PID1: variants seen among roughly 807,000 people sequenced by gnomAD.
The protein encoded by PID1 is PTB-containing, cubilin and LRP1-interacting protein.
PID1 carries 10 observed loss-of-function variants against 19.1 expected under a neutral mutation model. That is an observed-to-expected ratio of 0.52 (90% CI 0.32 to 0.89). The LOEUF is 0.89. Ranked by LOEUF, PID1 falls within the 40% of genes least tolerant of loss-of-function variation. The pLI is 0.03. For synonymous variants in PID1, 130 were observed against 116.0 expected (o/e 1.12, Z -0.78); for missense variants, 248 against 285.3 (o/e 0.87, Z 0.94).
intron 2 of PID1, among the ~76,000 whole-genome samples, chr2:229,145,278 C>G (rs1690106768): frequency 1.3e-5 from 2 of 149,628 alleles, no homozygotes; most frequent in Admixed American, 1.3e-4. Context: ...TTATTATAAT[C>G]TTTGGAGAGT....
rs974889078 is a variant in PID1 at position 229,159,299 on chromosome 2, T to C, written c.31-3335A>G. Among the ~76,000 whole-genome samples, 7 of 152,220 alleles carry C rather than the reference T, an allele frequency of 4.6e-5. No homozygotes were observed. The South Asian group carries it at 6.2e-4, about 14-fold the overall frequency. On this transcript the variant is annotated intron_variant, in intron 1 of 2. Coordinates refer to ENST00000392055, the MANE Select transcript of PID1 (RefSeq NM_001100818.2). ...CCTCTCTGGTGGTCCATTTAAAGCA[T>C]TGACTTGGCTAGGCTACCATGCCCA...
chr2:229,155,674 A>T, intron 2 of PID1, 144 bp downstream of exon 2: 1 of 712,398 alleles, frequency 1.4e-6, no homozygotes, highest in Non-Finnish European at 2.3e-6. Flanking sequence ...AATTCAGTCT[A>T]CCATCACTCT....
At chr2:229,144,138 T>C (rs751977576) in intron 2 of PID1, among the ~76,000 whole-genome samples, 25 of 152,034 alleles carry the variant, frequency 1.6e-4, no homozygotes, top group Non-Finnish European at 3.7e-4. Context: ...GAGAGTAAAA[T>C]AAAGAAACTT....
chr2:229,095,566 G>C (rs1317218446), intron 2 of PID1, among the ~76,000 whole-genome samples: 1 of 152,080 alleles, frequency 6.6e-6, no homozygotes, highest in African/African-American at 2.4e-5. Flanking sequence ...AGAGATACTT[G>C]CATAAAATTA....
At chr2:229,183,118 A>G (rs902606341) in intron 1 of PID1, among the ~76,000 whole-genome samples, 2 of 152,240 alleles carry the variant, frequency 1.3e-5, no homozygotes, top group Middle Eastern at 3.2e-3. Context: ...CCCTAACCCA[A>G]TGACTTCTGT....
intron 1 of PID1, among the ~76,000 whole-genome samples, chr2:229,240,239 T>C (rs1055710263): frequency 4.6e-5 from 7 of 152,142 alleles, no homozygotes; most frequent in Admixed American, 3.3e-4. Context: ...TCCCGAAGCT[T>C]AGTATTTCCA....
At chr2:229,035,931 T>C (rs1413427446) in intron 2 of PID1, among the ~76,000 whole-genome samples, 1 of 152,196 alleles carries the variant, frequency 6.6e-6, no homozygotes, top group Non-Finnish European at 1.5e-5. Flanking sequence ...TTTTAGATTA[T>C]AATGCATCAA....
At chr2:229,114,135 T>TTCTCTC (rs1446456698) in intron 2 of PID1, among the ~76,000 whole-genome samples, 1 of 93,700 alleles carries the variant, frequency 1.1e-5, no homozygotes, top group African/African-American at 4.3e-5. Context: ...CTCTCTCTCT[T>TTCTCTC]TCTCTCTCTC....
chr2:229,112,203 T>C (rs1695312832), intron 2 of PID1, among the ~76,000 whole-genome samples: 1 of 152,232 alleles, frequency 6.6e-6, no homozygotes, highest in Non-Finnish European at 1.5e-5. Context: ...TTTGTATTAT[T>C]ATTATTATTT....
chr2:229,081,968 T>C (rs145974024), intron 2 of PID1, among the ~76,000 whole-genome samples: 202 of 152,276 alleles, frequency 1.3e-3, no homozygotes, highest in African/African-American at 4.8e-3. Context: ...AGAAACTGTT[T>C]AGTCTCAGCA....
At chr2:229,177,106 G>C (rs1486636980) in intron 1 of PID1, among the ~76,000 whole-genome samples, 1 of 152,168 alleles carries the variant, frequency 6.6e-6, no homozygotes, top group African/African-American at 2.4e-5. Flanking sequence ...AAAGCCATCA[G>C]ATCTCATGAG....
At position 229,030,840 on chromosome 2, in the gene PID1, T is replaced by G. The variant is rs1022661228; in HGVS notation, c.178-4732A>C. Reference sequence around the variant, plus strand: ...GTATTTTGGAGGTGTACTGGAGAGATGAGTGGAGCACAGATGTGTAGCTTA... The same window carrying G: ...GTATTTTGGAGGTGTACTGGAGAGAGGAGTGGAGCACAGATGTGTAGCTTA... On this transcript the variant is annotated intron_variant, in intron 2 of 2. Coordinates refer to ENST00000392055, the MANE Select transcript of PID1 (RefSeq NM_001100818.2). Among the ~76,000 whole-genome samples, 5 of 152,136 alleles carry G rather than the reference T, an allele frequency of 3.3e-5. No homozygotes were observed. The East Asian group carries it at 9.6e-4, about 29-fold the overall frequency.
intron 1 of PID1, among the ~76,000 whole-genome samples, chr2:229,226,462 C>T (rs1453499059): frequency 6.6e-6 from 1 of 152,210 alleles, no homozygotes; most frequent in Admixed American, 6.5e-5. Flanking sequence ...GATGTCATAT[C>T]TCCTGACAAA....
intron 1 of PID1, among the ~76,000 whole-genome samples, chr2:229,252,411 C>T (rs1324635418): frequency 6.6e-6 from 1 of 152,186 alleles, no homozygotes; most frequent in East Asian, 1.9e-4. Context: ...TAAGTTTCAT[C>T]AACTGCTTGC....
intron 2 of PID1, among the ~76,000 whole-genome samples, chr2:229,111,453 T>A (rs1219709487): frequency 6.6e-6 from 1 of 152,206 alleles, no homozygotes; most frequent in African/African-American, 2.4e-5. Context: ...CATATAGTAA[T>A]ATTGTTCTGA....
At chr2:229,204,964 C>G (rs112380404) in intron 1 of PID1, among the ~76,000 whole-genome samples, 1 of 152,138 alleles carries the variant, frequency 6.6e-6, no homozygotes, top group Non-Finnish European at 1.5e-5. Context: ...TTGGTATTTA[C>G]GTTATTAAGA....
intron 1 of PID1, among the ~76,000 whole-genome samples, chr2:229,171,102 G>C (rs547704919): frequency 1.3e-5 from 2 of 152,130 alleles, no homozygotes; most frequent in Admixed American, 6.5e-5. Flanking sequence ...TGAATACCCC[G>C]CTCATCGGAA....
intron 2 of PID1, among the ~76,000 whole-genome samples, chr2:229,045,114 C>T (rs773924268): frequency 1.4e-4 from 22 of 152,002 alleles, no homozygotes; most frequent in African/African-American, 3.1e-4. Context: ...CCACCACACC[C>T]GGCTAATTTT....
intron 1 of PID1, among the ~76,000 whole-genome samples, chr2:229,208,536 A>C (rs1691658406): frequency 6.6e-6 from 1 of 152,232 alleles, no homozygotes. Context: ...ATTTTTATGC[A>C]GAGATCTAGG....
Sources: allele counts gnomAD v4.1 joint callset (sites outside exome capture counted in the v4.1 genomes callset), GRCh38; gene constraint gnomAD v4.1.1; transcripts MANE v1.5; gene names NCBI Gene and HGNC (gene_info 2026-07-23, HGNC 2026-07-21).